Variants in ACTA2 observed in about 807,000 individuals in gnomAD.
The protein encoded by ACTA2 is actin alpha 2, smooth muscle, also known as actin, aortic smooth muscle.
ACTA2 carries 12 observed loss-of-function variants against 39.5 expected under a neutral mutation model. That is an observed-to-expected ratio of 0.30 (90% CI 0.19 to 0.49). The LOEUF (loss-of-function observed/expected upper bound fraction) is 0.49. ACTA2 is among the 20% of genes least tolerant of loss of function. The probability of loss-of-function intolerance (pLI) is 0.99; values close to 1 mark genes in which losing one functional copy is unlikely to be tolerated. For missense variants in ACTA2, 236 were observed against 498.8 expected (o/e 0.47, Z 5.02); for synonymous variants, 158 against 180.6 (o/e 0.88, Z 1.00).
intron 1 of ACTA2, among the ~76,000 whole-genome samples, chr10:88,961,274 T>C (rs7079251): frequency 0.011 from 1,619 of 152,278 alleles, 29 homozygotes; most frequent in African/African-American, 0.036. Context: ...GATTGCCTTA[T>C]GGGATAGTGA....
chr10:88,939,456 T>C, intron 7 of ACTA2, 51 bp downstream of exon 7: 1 of 1,606,230 alleles, frequency 6.2e-7, no homozygotes, highest in Non-Finnish European at 8.5e-7. Context: ...TGGCTTGATA[T>C]GGAAGAAGAC....
chr10:88,974,782 T>A (rs1846526470), intron 1 of ACTA2: 1 of 152,228 alleles, frequency 6.6e-6, no homozygotes, highest in African/African-American at 2.4e-5. Context: ...ATTTTTGGGA[T>A]CCTGATTAAT....
intron 1 of ACTA2, among the ~76,000 whole-genome samples, chr10:88,979,743 C>T (rs989833054): frequency 6.6e-6 from 1 of 152,114 alleles, no homozygotes; most frequent in Non-Finnish European, 1.5e-5. Flanking sequence ...GTTACATGTG[C>T]TTGACTGTAT....
At chr10:88,957,765 T>C (rs1846161242), upstream of ACTA2, among the ~76,000 whole-genome samples, 1 of 151,942 alleles carries the variant, frequency 6.6e-6, no homozygotes, top group African/African-American at 2.4e-5. Context: ...GGAAGCCCTC[T>C]CTACCCACTT....
At chr10:88,935,608 C>T (rs1441876462) in intron 8 of ACTA2, 3 of 442,442 alleles carry the variant, frequency 6.8e-6, no homozygotes, top group African/African-American at 4.0e-5. Flanking sequence ...TGTAACTCTT[C>T]GACCACATTA....
chr10:88,969,687 A>G (rs1362577579), intron 1 of ACTA2, among the ~76,000 whole-genome samples: 1 of 152,134 alleles, frequency 6.6e-6, no homozygotes, highest in Non-Finnish European at 1.5e-5. Context: ...TCCCAACTAT[A>G]TCTTTTCATA....
rs540284602 is a variant in ACTA2 at position 88,983,484 on chromosome 10, C to T, written c.-24+7455G>A. Among the ~76,000 whole-genome samples, 105 of 152,222 alleles carry T rather than the reference C, an allele frequency of 6.9e-4. 1 individual carries two copies. The highest frequency in any genetic ancestry group is 2.4e-3 in the African/African-American group (101 of 41,538). ...ATTCAGCATAGGCTTTGGAAGTTCA[C>T]TTCTGTTACCTAGTAACTGTGTGAC... is the stretch of plus-strand genomic sequence containing the variant. On this transcript the variant is annotated intron_variant, in intron 1 of 4. Transcript: ENST00000415557.
intron 1 of ACTA2, 22 bp from the exon 2 acceptor site, chr10:88,948,975 C>T: frequency 6.2e-7 from 1 of 1,612,042 alleles, no homozygotes; most frequent in Non-Finnish European, 8.5e-7. Context: ...AGGGAGGAAG[C>T]AGCCTCAGCT....
intron 1 of ACTA2, among the ~76,000 whole-genome samples, chr10:88,979,821 C>T (rs1171658817): frequency 6.6e-6 from 1 of 152,178 alleles, no homozygotes; most frequent in African/African-American, 2.4e-5. Context: ...AGAGCAACAG[C>T]AAAGGTCATT....
intron 1 of ACTA2, among the ~76,000 whole-genome samples, chr10:88,968,849 C>A (rs535656512): frequency 2.2e-4 from 34 of 152,200 alleles, no homozygotes; most frequent in Middle Eastern, 3.4e-3. Context: ...TTATTCATCC[C>A]TTTTAAAGCC....
chr10:88,974,299 C>T (rs1421273295), intron 1 of ACTA2: 1 of 151,162 alleles, frequency 6.6e-6, no homozygotes, highest in East Asian at 1.9e-4. Flanking sequence ...TGAACCAATG[C>T]CAAATAGAAA....
Position 88,939,820 on chromosome 10 carries a change from ATTCTGCAATCCAAAATC to A in ACTA2, c.617-139_617-123del. ...CCATCAAAAAATGTGTCAGTTCAAT[ATTCTGCAATCCAAAATC>A]CACAATGATAATGACGTAGTAGGGC... On this transcript the variant is annotated intron_variant, in intron 6 of 8. Coordinates refer to ENST00000224784, the MANE Select transcript of ACTA2 (RefSeq NM_001613.4). 2.9e-6 allele frequency: 3 copies of A among 1,017,924 alleles called. No homozygotes were observed. The South Asian group carries it at 4.1e-5, about 14-fold the overall frequency. 63.1% of individuals were successfully genotyped at this position (1,017,924 alleles called of 1,614,324 possible).
Position 88,990,437 on chromosome 10 carries a change from T to A in ACTA2, c.-24+502A>T, listed in dbSNP as rs374977256. The A allele has an allele frequency of 8.2e-6, 4 of 489,190 alleles. No individual in the cohort carries two copies. Among genetic ancestry groups the A allele is most frequent in the Middle Eastern group, 5.9e-4 (1 of 1,698 alleles). The allele number at this position is 489,190 out of a possible 1,614,324, so 30.3% of individuals were successfully genotyped here. On this transcript the variant is annotated intron_variant, in intron 1 of 4. Transcript: ENST00000415557. The surrounding 1 kb of genome is among the most constrained non-coding windows in gnomAD (Gnocchi z 4.9). ...CGGCTCTCGAGGTCCTCACCTGAAGTGAGCATGCCAGCCACTGCAGGAACG... is the reference window on the plus strand; with the variant it reads ...CGGCTCTCGAGGTCCTCACCTGAAGAGAGCATGCCAGCCACTGCAGGAACG...
upstream of ACTA2, among the ~76,000 whole-genome samples, chr10:88,954,839 G>T (rs945806006): frequency 2.0e-5 from 3 of 151,782 alleles, no homozygotes; most frequent in African/African-American, 7.3e-5. Context: ...TTATTGCCTG[G>T]GTTTGAGATT....
chr10:88,968,050 G>C (rs1273380309), intron 1 of ACTA2, among the ~76,000 whole-genome samples: 1 of 151,624 alleles, frequency 6.6e-6, no homozygotes, highest in South Asian at 2.1e-4. Flanking sequence ...TTCTACTTGT[G>C]ACCTTAAGGT....
At chr10:88,944,350 T>C (rs995850089) in intron 3 of ACTA2, among the ~76,000 whole-genome samples, 1 of 152,238 alleles carries the variant, frequency 6.6e-6, no homozygotes, top group Non-Finnish European at 1.5e-5. Context: ...CCTCGAGTTA[T>C]TGTCCAGCCC....
chr10:88,953,295 C>T (rs1846082082), upstream of ACTA2, among the ~76,000 whole-genome samples: 3 of 152,124 alleles, frequency 2.0e-5, no homozygotes, highest in South Asian at 2.1e-4. Flanking sequence ...GGTAGGCACA[C>T]TGTTTATAAA....
chr10:88,938,115 G>C lies in ACTA2; in HGVS notation c.936C>G (p.Ala312=). ...CCGTGATCTCCTTCTGCATTCGGTC[G>C]GCAATGCCAGGGTACATAGTGGTGC... The part of the protein sequence containing the change: ...SGGTTMYPGI[A]DRMQKEITAL... The change falls in exon 8 of 9, where the codon GCC becomes GCG. Residue 312 remains alanine (A), a synonymous_variant. Coordinates refer to ENST00000224784, the MANE Select transcript of ACTA2 (RefSeq NM_001613.4). The C allele has an allele frequency of 1.2e-6, 2 of 1,613,974 alleles. No homozygotes were observed. Among genetic ancestry groups the C allele is most frequent in the Non-Finnish European group, 1.7e-6 (2 of 1,179,926 alleles).
intron 8 of ACTA2, among the ~76,000 whole-genome samples, chr10:88,936,391 A>C (rs1845738988): frequency 6.6e-6 from 1 of 152,194 alleles, no homozygotes; most frequent in Non-Finnish European, 1.5e-5. Flanking sequence ...ATCTCCTCCA[A>C]ATCTCATGTT....
Sources: gnomAD v4.1 joint callset for allele counts (sites outside exome capture counted in the v4.1 genomes callset) on GRCh38, gnomAD v4.1.1 for gene constraint, Gnocchi (gnomAD v3.1) non-coding constraint, MANE v1.5 for transcripts, NCBI Gene and HGNC (gene_info 2026-07-23, HGNC 2026-07-21) for gene names.